Variants in INVS observed in about 807,000 individuals in gnomAD.
INVS encodes the protein inversion of embryo turning homolog.
A neutral mutation model predicts 108.8 loss-of-function variants in INVS; 86 were observed. The observed-to-expected ratio is 0.79, with a 90% CI of 0.66 to 0.95. INVS has a LOEUF of 0.95. Among genes scored for constraint, INVS ranks in the 40% least tolerant of loss-of-function variants. The pLI is 0.00. For synonymous variants in INVS, 455 were observed against 473.5 expected (o/e 0.96, Z 0.51); for missense variants, 1,169 against 1,297.4 (o/e 0.90, Z 1.52).
chr9:100,126,418 G>A lies in INVS; in HGVS notation c.142G>A (p.Gly48Arg). The change falls in exon 3 of 17, where the codon GGG becomes AGG. Residue 48 changes from glycine to arginine, a missense_variant. By Grantham distance (125) the Gly-to-Arg change is moderately radical. Transcript: ENST00000262457. ...TCTTAAAGACAAAGAAGATCAGTTT[G>A]GGAGAACACCACTTATGTATTGCGT... Reference protein sequence around the residue: ...SALKDKEDQFGRTPLMYCVLA... With the variant: ...SALKDKEDQFRRTPLMYCVLA... 6.2e-7 allele frequency: 1 copy of A among 1,614,064 alleles called. No homozygotes were observed. Among genetic ancestry groups the A allele is most frequent in the Non-Finnish European group, 8.5e-7 (1 of 1,179,930 alleles).
chr9:100,242,786 A>G, intron 7 of INVS, 107 bp downstream of exon 7: 1 of 730,220 alleles, frequency 1.4e-6, no homozygotes, highest in Non-Finnish European at 2.5e-6. Flanking sequence ...GATTGCATGT[A>G]CCCTTCACCT....
chr9:100,133,423 T>C lies in INVS; in HGVS notation c.273+6874T>C, dbSNP rs1055065561. On this transcript the variant is annotated intron_variant, in intron 3 of 16. Coordinates refer to ENST00000262457, the MANE Select transcript of INVS (RefSeq NM_014425.5). Reference sequence around the variant, plus strand: ...TTATTTTGCATCTTTAAATTAATGGTATTATACTGTGTGACATTTACCAAC... The same window carrying C: ...TTATTTTGCATCTTTAAATTAATGGCATTATACTGTGTGACATTTACCAAC... 5.9e-5 allele frequency among the ~76,000 whole-genome samples: 9 copies of C among 152,214 alleles called. No individual in the cohort carries two copies. The East Asian group carries it at 1.7e-3, about 29-fold the overall frequency.
rs766455505 is a variant in INVS, at chr9:100,284,307, G to C, written c.1785-13G>C. On this transcript the variant is annotated splice_polypyrimidine_tract_variant and intron_variant, in intron 12 of 16. Transcript: ENST00000262457. The stretch of plus-strand genomic sequence containing the variant: ...TTAAATTTTTTCATCTTCTTCTTTG[G>C]CTTTGCTTCCAGAAAGCGAGAGGAA... 2 of 1,612,960 alleles carry C rather than the reference G, an allele frequency of 1.2e-6. No homozygotes were observed. The highest frequency in any genetic ancestry group is 1.7e-6 in the Non-Finnish European group (2 of 1,180,024).
At chr9:100,237,806 C>T (rs1831737136) in intron 5 of INVS, among the ~76,000 whole-genome samples, 1 of 152,150 alleles carries the variant, frequency 6.6e-6, no homozygotes, top group East Asian at 1.9e-4. Flanking sequence ...ATTTGGCCAT[C>T]TTGCTGAGTT....
chr9:100,216,927 G>A (rs1418425489), intron 3 of INVS, among the ~76,000 whole-genome samples: 1 of 152,152 alleles, frequency 6.6e-6, no homozygotes, highest in Admixed American at 6.5e-5. Flanking sequence ...CACCACCTGG[G>A]CATGATCTCA....
chr9:100,171,316 T>A (rs989713505), intron 3 of INVS, among the ~76,000 whole-genome samples: 1 of 152,188 alleles, frequency 6.6e-6, no homozygotes, highest in Non-Finnish European at 1.5e-5. Flanking sequence ...GAGTATTCAA[T>A]ATAGTAATAT....
intron 2 of INVS, chr9:100,120,522 G>A (rs1827696258): frequency 1.2e-5 from 2 of 163,716 alleles, no homozygotes; most frequent in Admixed American, 1.2e-4. Context: ...TTCAATTCTT[G>A]ATTCATTCTG....
rs528872103 is a variant in INVS, at chr9:100,133,234, T to G, written c.273+6685T>G. On this transcript the variant is annotated intron_variant, in intron 3 of 16. Coordinates refer to ENST00000262457, the MANE Select transcript of INVS (RefSeq NM_014425.5). ...TTTTAAACAAAACTATAGATTCACT[T>G]GAAGTCTTCCATTTATCTTCCAAAA... Among the ~76,000 whole-genome samples the G allele has an allele frequency of 3.3e-5, 5 of 152,326 alleles. No homozygotes were observed. The East Asian group carries it at 9.6e-4, about 29-fold the overall frequency.
At chr9:100,124,026 C>G (rs1250468245) in intron 2 of INVS, among the ~76,000 whole-genome samples, 3 of 152,160 alleles carry the variant, frequency 2.0e-5, no homozygotes, top group Non-Finnish European at 2.9e-5. Context: ...CCAGGCTGGT[C>G]TTGAACTCTA....
chr9:100,297,211 A>G (rs1833816633), intron 15 of INVS, 65 bp downstream of exon 15: 10 of 1,243,890 alleles, frequency 8.0e-6, no homozygotes, highest in African/African-American at 1.5e-5. Context: ...CAGAATCTGA[A>G]GTAGAATTTA....
intron 3 of INVS, among the ~76,000 whole-genome samples, chr9:100,157,418 C>T (rs1164476703): frequency 6.6e-6 from 1 of 151,864 alleles, no homozygotes; most frequent in Non-Finnish European, 1.5e-5. Context: ...GCGCCTGCCA[C>T]CACGCCTGGC....
chr9:100,154,820 G>A (rs1461597300), intron 3 of INVS, among the ~76,000 whole-genome samples: 2 of 152,168 alleles, frequency 1.3e-5, no homozygotes, highest in Non-Finnish European at 2.9e-5. Flanking sequence ...AGGAGATAAT[G>A]TAGAGGACAC....
intron 10 of INVS, among the ~76,000 whole-genome samples, chr9:100,260,020 C>A (rs1209811570): frequency 6.6e-6 from 1 of 151,004 alleles, no homozygotes; most frequent in African/African-American, 2.4e-5. Flanking sequence ...TACAGGCGCA[C>A]ACCACCATGC....
intron 3 of INVS, among the ~76,000 whole-genome samples, chr9:100,163,491 A>T (rs1364171128): frequency 2.0e-5 from 3 of 152,196 alleles, no homozygotes; most frequent in Non-Finnish European, 2.9e-5. Context: ...ACAAAACAAA[A>T]CAAAAATCCC....
intron 11 of INVS, among the ~76,000 whole-genome samples, chr9:100,270,216 T>C (rs1832909171): frequency 6.6e-6 from 1 of 152,206 alleles, no homozygotes; most frequent in Non-Finnish European, 1.5e-5. Flanking sequence ...CTCCCAGATA[T>C]GAACAGTGGT....
At chr9:100,171,787 C>A (rs74615217) in intron 3 of INVS, among the ~76,000 whole-genome samples, 3 of 152,218 alleles carry the variant, frequency 2.0e-5, no homozygotes, top group Non-Finnish European at 4.4e-5. Context: ...TTATGATTTT[C>A]TCCATGCATC....
chr9:100,199,512 A>T (rs750439206), intron 3 of INVS, among the ~76,000 whole-genome samples: 4 of 151,936 alleles, frequency 2.6e-5, no homozygotes, highest in African/African-American at 2.4e-5. Context: ...TAGTTCTTCA[A>T]TTGGCTCTTT....
Position 100,300,919 on chromosome 9 carries a change from G to T in INVS, c.*245G>T. ...CCTGCATAGACTATGTCTGTGCAAA[G>T]TGCCTGAGTGTCTGCTTTCACCTCA... On this transcript the variant is annotated 3_prime_UTR_variant, in exon 17 of 17. Transcript: ENST00000262457. 1 of 536,086 alleles carries T rather than the reference G, an allele frequency of 1.9e-6. No homozygotes were observed. The highest frequency in any genetic ancestry group is 3.4e-6 in the Non-Finnish European group (1 of 297,680). The allele number at this position is 536,086 out of a possible 1,614,324, so 33.2% of individuals were successfully genotyped here. A position where few individuals can be genotyped will look rare whatever the true frequency, so the allele number is the denominator to read the frequency against.
Position 100,272,991 on chromosome 9 carries a change from A to G in INVS, c.1699A>G (p.Lys567Glu). ...IAAFKIQAVYKGYKVRKAFRD... is the reference protein window; with the variant it reads ...IAAFKIQAVYEGYKVRKAFRD... ...CGCCTTCAAAATCCAAGCTGTCTAC[A>G]AAGGGTACAAGGTCAGAAAAGCCTT... The change falls in exon 12 of 17, where the codon AAA becomes GAA. Residue 567 changes from lysine to glutamate, a missense_variant. Around this residue, in one of 3 missense-constraint regions of INVS, gnomAD observed 271 missense variants for 363.8 expected, o/e 0.74. Transcript: ENST00000262457. The G allele has an allele frequency of 2.5e-6, 4 of 1,614,074 alleles. No individual in the cohort carries two copies. Among genetic ancestry groups the G allele is most frequent in the Non-Finnish European group, 3.4e-6 (4 of 1,180,016 alleles).
Sources: gnomAD v4.1 joint callset for allele counts (sites outside exome capture counted in the v4.1 genomes callset) on GRCh38, gnomAD v4.1.1 for gene constraint, gnomAD v4.1.1 regional missense constraint, MANE v1.5 for transcripts, NCBI Gene and HGNC (gene_info 2026-07-23, HGNC 2026-07-21) for gene names.